MSH3: variants seen among roughly 807,000 people sequenced by gnomAD.
MSH3 encodes the protein mutS homolog 3, also known as DNA mismatch repair protein Msh3.
Under a neutral mutation model 123.3 loss-of-function variants are expected in MSH3, and 106 were observed. That is an observed-to-expected ratio of 0.86 (90% CI 0.73 to 1.01). The LOEUF (loss-of-function observed/expected upper bound fraction) is 1.01. Ranked by LOEUF, MSH3 falls within the 50% of genes least tolerant of loss-of-function variation. MSH3 has a pLI of 0.00. For missense variants in MSH3, 1,459 were observed against 1,347.6 expected (o/e 1.08, Z -1.29); for synonymous variants, 515 against 481.4 (o/e 1.07, Z -0.91).
intron 20 of MSH3, among the ~76,000 whole-genome samples, chr5:80,834,526 T>G (rs1745474954): frequency 1.3e-5 from 2 of 149,312 alleles, no homozygotes; most frequent in South Asian, 4.2e-4. Context: ...AGTCAAAGAA[T>G]CCTCCTGTAA....
intron 17 of MSH3, among the ~76,000 whole-genome samples, chr5:80,780,246 C>A (rs997690815): frequency 6.6e-6 from 1 of 152,170 alleles, no homozygotes; most frequent in Non-Finnish European, 1.5e-5. Context: ...GGGCTGATGT[C>A]AAGCTACCAC....
Position 80,654,668 on chromosome 5 carries a change from C to T in MSH3, c.-60C>T, listed in dbSNP as rs1425747252. On this transcript the variant is annotated 5_prime_UTR_variant, in exon 1 of 24. Transcript: ENST00000265081. ...CGCGCCCGCAGACGCCTGGGAACTG[C>T]GGCCGCGGGCTCGCGCTCCTCGCCA... is the stretch of plus-strand genomic sequence containing the variant. 1.3e-6 allele frequency: 2 copies of T among 1,503,272 alleles called. No homozygotes were observed. Among genetic ancestry groups the T allele is most frequent in the Non-Finnish European group, 1.8e-6 (2 of 1,112,660 alleles). 93.1% of individuals were successfully genotyped at this position (1,503,272 alleles called of 1,614,324 possible).
At position 80,654,714 on chromosome 5, in the gene MSH3, A is replaced by T. The variant is rs752396012; in HGVS notation, c.-14A>T. On this transcript the variant is annotated 5_prime_UTR_variant, in exon 1 of 24. Coordinates refer to ENST00000265081, the MANE Select transcript of MSH3 (RefSeq NM_002439.5). ...CGCCAGGCCCTGCCGCCGGGCTGCC[A>T]TCCTTGCCCTGCCATGTCTCGCCGG... The T allele has an allele frequency of 6.3e-7, 1 of 1,588,176 alleles. No homozygotes were observed. The highest frequency in any genetic ancestry group is 8.5e-7 in the Non-Finnish European group (1 of 1,170,446).
intron 8 of MSH3, among the ~76,000 whole-genome samples, chr5:80,717,043 T>G (rs1750976483): frequency 6.6e-6 from 1 of 152,182 alleles, no homozygotes; most frequent in African/African-American, 2.4e-5. Flanking sequence ...GGGTTTCATT[T>G]TTTGGGGGGG....
At chr5:80,660,201 T>C (rs1580543369) in intron 2 of MSH3, among the ~76,000 whole-genome samples, 2 of 152,094 alleles carry the variant, frequency 1.3e-5, no homozygotes, top group East Asian at 3.8e-4. Flanking sequence ...TTCTTTTTTT[T>C]TTTTTTCTTA....
At chr5:80,753,179 A>T (rs1743866338) in intron 12 of MSH3, among the ~76,000 whole-genome samples, 1 of 152,174 alleles carries the variant, frequency 6.6e-6, no homozygotes, top group African/African-American at 2.4e-5. Flanking sequence ...CTGTCTAGAA[A>T]GCCCATGTTG....
chr5:80,761,450 A>G, intron 12 of MSH3, 96 bp from the exon 13 acceptor site: 1 of 1,450,084 alleles, frequency 6.9e-7, no homozygotes, highest in East Asian at 2.3e-5. Context: ...TGTGCCTAAT[A>G]AGTGGCTGTG....
intron 12 of MSH3, among the ~76,000 whole-genome samples, chr5:80,753,034 G>A (rs1743864301): frequency 6.6e-6 from 1 of 152,082 alleles, no homozygotes; most frequent in African/African-American, 2.4e-5. Flanking sequence ...AGGTAGGCTG[G>A]TGTTTTACAT....
At chr5:80,742,552 T>C (rs1743636041) in intron 11 of MSH3, among the ~76,000 whole-genome samples, 1 of 152,198 alleles carries the variant, frequency 6.6e-6, no homozygotes, top group Admixed American at 6.5e-5. Flanking sequence ...TTCAGAAATA[T>C]TTATTACTAT....
intron 8 of MSH3, among the ~76,000 whole-genome samples, chr5:80,722,276 T>C (rs1751097978): frequency 1.3e-5 from 2 of 152,204 alleles, no homozygotes. Context: ...TTCAGTTTTA[T>C]GTAGAGACCA....
chr5:80,705,782 C>T (rs1750709342), intron 8 of MSH3, among the ~76,000 whole-genome samples: 1 of 152,152 alleles, frequency 6.6e-6, no homozygotes, highest in Admixed American at 6.5e-5. Context: ...ATCGTCTTTC[C>T]TCCATGCATG....
chr5:80,694,355 T>C (rs1750422279), intron 8 of MSH3, among the ~76,000 whole-genome samples: 1 of 152,182 alleles, frequency 6.6e-6, no homozygotes, highest in Non-Finnish European at 1.5e-5. Context: ...TATACATAAC[T>C]TATCACAGTG....
intron 22 of MSH3, among the ~76,000 whole-genome samples, chr5:80,867,900 T>C (rs1231704645): frequency 1.3e-5 from 2 of 152,220 alleles, no homozygotes; most frequent in African/African-American, 4.8e-5. Context: ...TAGTTTCTTT[T>C]GCTGTGCAAA....
chr5:80,672,288 C>T lies in MSH3; in HGVS notation c.837C>T (p.Asn279=), dbSNP rs751775900. 1 of 1,613,972 alleles carries T rather than the reference C, an allele frequency of 6.2e-7. No homozygotes were observed. Among genetic ancestry groups the T allele is most frequent in the Non-Finnish European group, 8.5e-7 (1 of 1,179,938 alleles). ...ELNIYCHLDH[N]FMTASIPTHR... is the part of the protein sequence containing the mutation. ...ATATTTATTGCCATTTAGATCACAA[C>T]TTTATGACAGCAAGTATACCTACTC... The change falls in exon 5 of 24, where the codon AAC becomes AAT. Residue 279 remains asparagine (N), a synonymous_variant. Transcript: ENST00000265081.
intron 13 of MSH3, 122 bp downstream of exon 13, chr5:80,761,800 T>C (rs1431590661): frequency 9.3e-7 from 1 of 1,073,696 alleles, no homozygotes; most frequent in African/African-American, 1.6e-5. Flanking sequence ...ACAAATAGCA[T>C]GCGAGAGTAG....
chr5:80,824,857 C>G (rs1259506277), intron 20 of MSH3, among the ~76,000 whole-genome samples: 1 of 152,132 alleles, frequency 6.6e-6, no homozygotes, highest in Non-Finnish European at 1.5e-5. Flanking sequence ...TGCAGTGTAT[C>G]TGGAGTACAG....
chr5:80,787,112 T>G (rs907123195), intron 17 of MSH3, among the ~76,000 whole-genome samples: 2 of 152,076 alleles, frequency 1.3e-5, no homozygotes, highest in Non-Finnish European at 2.9e-5. Flanking sequence ...GACAACCTGC[T>G]TTCAAGAAGC....
At chr5:80,730,662 T>C (rs1010027839) in intron 10 of MSH3, among the ~76,000 whole-genome samples, 1 of 151,980 alleles carries the variant, frequency 6.6e-6, no homozygotes, top group African/African-American at 2.4e-5. Context: ...AAAAAAGGGG[T>C]GACAAGATAC....
At chr5:80,872,697 A>G (rs1217836608) in intron 22 of MSH3, among the ~76,000 whole-genome samples, 1 of 151,972 alleles carries the variant, frequency 6.6e-6, no homozygotes, top group Non-Finnish European at 1.5e-5. Flanking sequence ...AGTCCTAGCT[A>G]CTTAGGAGGC....
Sources: allele counts gnomAD v4.1 joint callset (sites outside exome capture counted in the v4.1 genomes callset), GRCh38; gene constraint gnomAD v4.1.1; transcripts MANE v1.5; gene names NCBI Gene and HGNC (gene_info 2026-07-23, HGNC 2026-07-21).